The following CCDC186 variants were observed in gnomAD, a reference collection of about 807,000 sequenced individuals.
CCDC186 encodes coiled-coil domain containing 186.
A neutral mutation model predicts 113.7 loss-of-function variants in CCDC186; 49 were observed. That is an observed-to-expected ratio of 0.43 (90% CI 0.34 to 0.55). The LOEUF (loss-of-function observed/expected upper bound fraction) is 0.55. Among genes scored for constraint, CCDC186 ranks in the 20% least tolerant of loss-of-function variants. CCDC186 has a pLI of 0.02. For missense variants in CCDC186, 890 were observed against 1,011.1 expected (o/e 0.88, Z 1.62); for synonymous variants, 355 against 345.8 (o/e 1.03, Z -0.30).
chr10:114,137,422 T>G (rs2119728480), intron 6 of CCDC186, 132 bp from the exon 7 acceptor site: 1 of 619,976 alleles, frequency 1.6e-6, no homozygotes. Flanking sequence ...GCAATAATAT[T>G]TTATGTTTCT....
chr10:114,167,052 C>T (rs940155883), intron 1 of CCDC186, among the ~76,000 whole-genome samples: 1 of 142,858 alleles, frequency 7.0e-6, no homozygotes, highest in African/African-American at 2.6e-5. Context: ...GATGGAGTCT[C>T]GCTCTGTTGC....
rs2031010943 is a variant in CCDC186 at position 114,129,289 on chromosome 10, TG to T, written c.2182+601del. 2.6e-5 allele frequency among the ~76,000 whole-genome samples: 4 copies of T among 150,968 alleles called. No individual in the cohort carries two copies. The South Asian group carries it at 8.3e-4, about 31-fold the overall frequency. On this transcript the variant is annotated intron_variant, in intron 13 of 15. Coordinates refer to ENST00000369287, the MANE Select transcript of CCDC186 (RefSeq NM_018017.4). The stretch of plus-strand genomic sequence containing the variant: ...AAAGTCACACCACTGCACTCCAGCC[TG>T]GGTGACTGAGTTAAGACCTGTCTCA...
intron 11 of CCDC186, 66 bp downstream of exon 11, chr10:114,131,863 T>A (rs2031098085): frequency 7.1e-7 from 1 of 1,405,668 alleles, no homozygotes; most frequent in Non-Finnish European, 9.5e-7. Flanking sequence ...ATTACTTTTA[T>A]ACTGTTAGGG....
rs1357951198 is a variant in CCDC186, at chr10:114,121,319, C to T, written c.*3824G>A. 6.6e-6 allele frequency: 1 copy of T among 152,054 alleles called. No homozygotes were observed. Among genetic ancestry groups the T allele is most frequent in the Admixed American group, 6.6e-5 (1 of 15,256 alleles). The allele number at this position is 152,054 out of a possible 1,614,324, so 9.4% of individuals were successfully genotyped here. A position where few individuals can be genotyped will look rare whatever the true frequency, so the allele number is the denominator to read the frequency against. On this transcript the variant is annotated 3_prime_UTR_variant, in exon 16 of 16. Transcript: ENST00000369287. ...AGGCTACATAAAGCATAAATGACAACATGATTTATAAAAATATTTTCACCA... is the reference window on the plus strand; with the variant it reads ...AGGCTACATAAAGCATAAATGACAATATGATTTATAAAAATATTTTCACCA...
chr10:114,171,001 A>G (rs1214095446), intron 1 of CCDC186, among the ~76,000 whole-genome samples: 2 of 152,150 alleles, frequency 1.3e-5, no homozygotes, highest in African/African-American at 4.8e-5. Flanking sequence ...AAGTTACACC[A>G]TATATGTCAT....
chr10:114,140,403 T>C lies in CCDC186; in HGVS notation c.1222-3113A>G, dbSNP rs545957959. On this transcript the variant is annotated intron_variant, in intron 6 of 15. Coordinates refer to ENST00000369287, the MANE Select transcript of CCDC186 (RefSeq NM_018017.4). ...GCCTGAGCAATGAGATGGAATGAGA[T>C]GGATGGATTGTCATTTATTGACATA... Among the ~76,000 whole-genome samples, 31 of 152,298 alleles carry C rather than the reference T, an allele frequency of 2.0e-4. No individual in the cohort carries two copies. In the South Asian group the frequency reaches 5.8e-3, roughly 29 times the overall value.
rs79637542 is a variant in CCDC186 at position 114,127,543 on chromosome 10, C to A, written c.2311G>T (p.Ala771Ser). 3 of 1,613,988 alleles carry A rather than the reference C, an allele frequency of 1.9e-6. No individual in the cohort carries two copies. The highest frequency in any genetic ancestry group is 2.5e-6 in the Non-Finnish European group (3 of 1,179,986). The change falls in exon 14 of 16, where the codon GCA (alanine) becomes TCA (serine). Residue 771 changes from alanine to serine, a missense_variant. By Grantham distance (99) the Ala-to-Ser change is moderately conservative (BLOSUM62 1). Transcript: ENST00000369287. ...ATCTTTTCATTTTTCCGGGCATGTG[C>A]TTTTTGCAGCCTAACTATTCTCTCA... ...LIERIVRLQK[A>S]HARKNEKIEF... is the part of the protein sequence containing the mutation.
At chr10:114,132,658 C>T (rs1401227956) in intron 10 of CCDC186, among the ~76,000 whole-genome samples, 1 of 152,178 alleles carries the variant, frequency 6.6e-6, no homozygotes, top group Admixed American at 6.5e-5. Context: ...AAAAACTTCA[C>T]TTACTAAAAG....
At chr10:114,147,882 A>G (rs1420861756) in intron 4 of CCDC186, among the ~76,000 whole-genome samples, 1 of 151,978 alleles carries the variant, frequency 6.6e-6, no homozygotes, top group African/African-American at 2.4e-5. Context: ...TAATCCCAGC[A>G]CTTTGGGAGA....
rs1564911343 is a variant in CCDC186 at position 114,145,765 on chromosome 10, C to T, written c.889-4G>A. ...CCTCTTCACATTTCTTGTTGGCCTTCAAAAAAAATATTACTTAGCATTAAT... is the reference window on the plus strand; with the variant it reads ...CCTCTTCACATTTCTTGTTGGCCTTTAAAAAAAATATTACTTAGCATTAAT... On this transcript the variant is annotated splice_region_variant and splice_polypyrimidine_tract_variant and intron_variant, in intron 4 of 15. Transcript: ENST00000369287. The T allele has an allele frequency of 2.6e-6, 4 of 1,563,616 alleles. No individual in the cohort carries two copies. Among genetic ancestry groups the T allele is most frequent in the Non-Finnish European group, 3.4e-6 (4 of 1,163,322 alleles).
At position 114,141,501 on chromosome 10, in the gene CCDC186, C is replaced by G. The variant is rs2031465310; in HGVS notation, c.1221+2996G>C. ...CTTCTGGGGGCTGCTTGATGCAGCCCTGCCTGATGTGTGTTGAGAGGTCAT... is the reference window on the plus strand; with the variant it reads ...CTTCTGGGGGCTGCTTGATGCAGCCGTGCCTGATGTGTGTTGAGAGGTCAT... On this transcript the variant is annotated intron_variant, in intron 6 of 15. Transcript: ENST00000369287. 5.9e-5 allele frequency among the ~76,000 whole-genome samples: 9 copies of G among 152,266 alleles called. No individual in the cohort carries two copies. In the South Asian group the frequency reaches 1.9e-3, roughly 32 times the overall value.
In CCDC186 at chr10:114,163,460, C is replaced by G. The variant is rs186480365; in HGVS notation, c.-61-131G>C. ...CTAACAATTCCTTTAAAAGCCTGTC[C>G]TTGAGAAAAAAGAAAAAGGACTAGG... On this transcript the variant is annotated intron_variant, in intron 1 of 15. Coordinates refer to ENST00000369287, the MANE Select transcript of CCDC186 (RefSeq NM_018017.4). 1,070 of 772,952 alleles carry G rather than the reference C, an allele frequency of 1.4e-3. 13 individuals carry two copies. In the Admixed American group the frequency reaches 0.03, roughly 22 times the overall value. 47.9% of individuals were successfully genotyped at this position (772,952 alleles called of 1,614,324 possible). A position where few individuals can be genotyped will look rare whatever the true frequency, so the allele number is the denominator to read the frequency against.
In CCDC186 at chr10:114,151,211, T is replaced by A; in HGVS notation, c.769A>T (p.Arg257Ter). The change falls in exon 4 of 16, where the codon AGA becomes TGA. Residue 257 changes from arginine to a stop codon, truncating the protein, a stop_gained. Coordinates refer to ENST00000369287, the MANE Select transcript of CCDC186 (RefSeq NM_018017.4). LOFTEE classifies it high-confidence loss of function. ...ACTTCTTTATTAAGTTCTTCTATTC[T>A]TGATTCTAACTGTAAAGAAAATTAT... Reference protein sequence around the residue: ...HMNTIKQLESRIEELNKEVKA... With the variant: ...HMNTIKQLES The A allele has an allele frequency of 6.4e-7, 1 of 1,562,342 alleles. No homozygotes were observed. The highest frequency in any genetic ancestry group is 8.8e-7 in the Non-Finnish European group (1 of 1,136,200).
At chr10:114,171,389 A>C (rs904021704) in intron 1 of CCDC186, among the ~76,000 whole-genome samples, 3 of 151,744 alleles carry the variant, frequency 2.0e-5, no homozygotes, top group African/African-American at 7.2e-5. Flanking sequence ...AATAATATAT[A>C]ATTTTTAATT....
Position 114,132,150 on chromosome 10 carries a change from C to T in CCDC186, c.1690G>A (p.Val564Met), listed in dbSNP as rs1172866104. 1 of 1,601,820 alleles carries T rather than the reference C, an allele frequency of 6.2e-7. No individual in the cohort carries two copies. The highest frequency in any genetic ancestry group is 8.5e-7 in the Non-Finnish European group (1 of 1,174,736). The change falls in exon 11 of 16, where the codon GTG becomes ATG. Residue 564 changes from valine to methionine, a missense_variant. Physicochemically the swap from Val to Met is conservative, Grantham distance 21. Transcript: ENST00000369287. ...TTAATCAAAGAATTAAGACTTTCCA[C>T]TTCTTCTTTCAAATTTTCAATTTCT... The part of the protein sequence containing the change: ...KQEIENLKEE[V>M]ESLNSLINDL...
intron 6 of CCDC186, among the ~76,000 whole-genome samples, chr10:114,139,146 A>G (rs942563161): frequency 6.6e-6 from 1 of 151,990 alleles, no homozygotes; most frequent in Non-Finnish European, 1.5e-5. Flanking sequence ...AATATCTAAT[A>G]TAAGCCTCTA....
chr10:114,166,085 G>A (rs937421598), intron 1 of CCDC186, among the ~76,000 whole-genome samples: 7 of 152,080 alleles, frequency 4.6e-5, no homozygotes, highest in Non-Finnish European at 1.0e-4. Flanking sequence ...GCACTGCAGA[G>A]GAAAGTACAG....
chr10:114,163,301 C>T lies in CCDC186; in HGVS notation c.-33G>A, dbSNP rs1384565389. 4 of 1,571,342 alleles carry T rather than the reference C, an allele frequency of 2.5e-6. No homozygotes were observed. In the African/African-American group the frequency reaches 5.5e-5, roughly 22 times the overall value. ...GGCACCAATTCACTTTGTAATTCTTCAAATCTGCTCCTGATCTTCGTTTTA... is the reference window on the plus strand; with the variant it reads ...GGCACCAATTCACTTTGTAATTCTTTAAATCTGCTCCTGATCTTCGTTTTA... On this transcript the variant is annotated 5_prime_UTR_variant, in exon 2 of 16. Transcript: ENST00000369287.
chr10:114,141,892 C>T (rs1485524446), intron 6 of CCDC186, among the ~76,000 whole-genome samples: 1 of 152,142 alleles, frequency 6.6e-6, no homozygotes, highest in East Asian at 1.9e-4. Flanking sequence ...GATCACTGTC[C>T]TATGCTGCCT....
Sources: gnomAD v4.1 joint callset for allele counts (sites outside exome capture counted in the v4.1 genomes callset) on GRCh38, gnomAD v4.1.1 for gene constraint, MANE v1.5 for transcripts, NCBI Gene and HGNC (gene_info 2026-07-23, HGNC 2026-07-21) for gene names.